Variants in DMC1 observed in about 807,000 individuals in gnomAD.
DMC1 encodes the protein DNA meiotic recombinase 1.
A neutral mutation model predicts 50.1 loss-of-function variants in DMC1; 27 were observed. That is an observed-to-expected ratio of 0.54 (90% CI 0.40 to 0.74). The LOEUF (loss-of-function observed/expected upper bound fraction) is 0.74. DMC1 is among the 30% of genes least tolerant of loss of function. The pLI is 0.00. For missense variants in DMC1, 295 were observed against 420.2 expected, an observed-to-expected ratio of 0.70 and a Z score of 2.60; for synonymous variants, 148 against 136.1, an observed-to-expected ratio of 1.09 and a Z score of -0.61.
At position 38,519,909 on chromosome 22, in the gene DMC1, T is replaced by C; in HGVS notation, c.*111A>G. The C allele has an allele frequency of 1.2e-6, 1 of 844,262 alleles. No homozygotes were observed. The highest frequency in any genetic ancestry group is 2.0e-6 in the Non-Finnish European group (1 of 496,354). The allele number at this position is 844,262 out of a possible 1,614,324, so 52.3% of individuals were successfully genotyped here. On this transcript the variant is annotated 3_prime_UTR_variant, in exon 14 of 14. Transcript: ENST00000216024. The stretch of plus-strand genomic sequence containing the variant: ...TTTAAATCTCTTTGCTGACTTTTCT[T>C]TAGTAACATGTGGGAAAAAACCTCT...
chr22:38,551,872 T>C (rs899618598), intron 7 of DMC1, among the ~76,000 whole-genome samples: 2 of 145,852 alleles, frequency 1.4e-5, no homozygotes, highest in African/African-American at 5.1e-5. Flanking sequence ...TTTTTTTTTT[T>C]TTTTTTTGAG....
Position 38,552,703 on chromosome 22 carries a change from A to G in DMC1, c.384T>C (p.Phe128=), listed in dbSNP as rs768229464. The G allele has an allele frequency of 9.5e-6, 15 of 1,583,046 alleles. No individual in the cohort carries two copies. In the African/African-American group the frequency reaches 1.8e-4, roughly 18 times the overall value. Residue 128 remains phenylalanine (F), a synonymous_variant, in exon 7 of 14, where the codon TTT becomes TTC. Transcript: ENST00000216024. ...SMAITEAFGE[F]RTGKTQLSHT... ...GAGAAAGCTGGGTTTTTCCAGTACG[A>G]AATTCTGTGAAATACAGAAAAAAAT...
intron 2 of DMC1, among the ~76,000 whole-genome samples, 185 bp from the exon 3 acceptor site, chr22:38,567,812 T>C (rs370667138): frequency 2.0e-3 from 301 of 152,336 alleles, no homozygotes; most frequent in Middle Eastern, 0.014. Context: ...TTGAAAGGGC[T>C]GGGAAGCCAG....
Position 38,554,707 on chromosome 22 carries a change from G to A in DMC1, c.379+650C>T, listed in dbSNP as rs115603264. Among the ~76,000 whole-genome samples the A allele has an allele frequency of 2.5e-3, 378 of 152,042 alleles. 3 individuals are homozygous for A. Among genetic ancestry groups the A allele is most frequent in the African/African-American group, 8.9e-3 (368 of 41,462 alleles). ...AAAAAAAAATAGAGGATATAATCAG[G>A]GAAGAGGGAATCTAGTCTCTATGTT... On this transcript the variant is annotated intron_variant, in intron 6 of 13. Coordinates refer to ENST00000216024, the MANE Select transcript of DMC1 (RefSeq NM_007068.4).
intron 5 of DMC1, among the ~76,000 whole-genome samples, chr22:38,561,482 G>GA (rs989460411): frequency 2.0e-5 from 3 of 152,078 alleles, no homozygotes; most frequent in Non-Finnish European, 4.4e-5. Flanking sequence ...GTGTGTGAGA[G>GA]AAAAAAGATG....
intron 8 of DMC1, among the ~76,000 whole-genome samples, chr22:38,540,417 G>T (rs1356945565): frequency 6.6e-6 from 1 of 152,128 alleles, no homozygotes; most frequent in Admixed American, 6.6e-5. Flanking sequence ...AAAGTATTCT[G>T]GAAGAAGCTA....
At chr22:38,509,292 G>C in the DMC1 span, among the ~76,000 whole-genome samples, 7 of 152,162 alleles carry the variant, frequency 4.6e-5, no homozygotes. Context: ...GCATCCGTTA[G>C]CTATTCTTCT....
chr22:38,534,625 C>T (rs1171608804), intron 12 of DMC1, among the ~76,000 whole-genome samples: 1 of 151,500 alleles, frequency 6.6e-6, no homozygotes, highest in Non-Finnish European at 1.5e-5. Context: ...ATTGCTTGAA[C>T]CCAGGAGGCA....
chr22:38,550,402 C>T (rs1482023958), intron 7 of DMC1, among the ~76,000 whole-genome samples: 1 of 150,010 alleles, frequency 6.7e-6, no homozygotes, highest in African/African-American at 2.4e-5. Flanking sequence ...CAATCTCCGC[C>T]TCCCGGGTTC....
rs2090464927 is a variant in DMC1 at position 38,555,914 on chromosome 22, C to T, written c.327-505G>A. Among the ~76,000 whole-genome samples the T allele has an allele frequency of 2.0e-5, 3 of 151,764 alleles. No homozygotes were observed. In the East Asian group the frequency reaches 5.8e-4, roughly 29 times the overall value. On this transcript the variant is annotated intron_variant, in intron 5 of 13. Transcript: ENST00000216024. ...TGGCGTGATCTTGGCTCACTGCAGC[C>T]TCCGCCTACCAGGTTCAAGAGATTC...
intron 12 of DMC1, among the ~76,000 whole-genome samples, chr22:38,530,857 G>A (rs2090144877): frequency 6.6e-6 from 1 of 152,094 alleles, no homozygotes; most frequent in Non-Finnish European, 1.5e-5. Flanking sequence ...ATCGCCCGAG[G>A]TCAGGAGTTC....
At chr22:38,549,621 CA>C (rs879531822) in intron 8 of DMC1, 9,786 of 202,182 alleles carry the variant, frequency 0.048, 4 homozygotes, top group South Asian at 0.088. Context: ...GATTCCGTCT[CA>C]AAAAAAAAAA....
At position 38,521,588 on chromosome 22, in the gene DMC1, C is replaced by T; in HGVS notation, c.953+20G>A. 1 of 1,220,060 alleles carries T rather than the reference C, an allele frequency of 8.2e-7. No homozygotes were observed. The allele number at this position is 1,220,060 out of a possible 1,614,324, so 75.6% of individuals were successfully genotyped here. On this transcript the variant is annotated intron_variant, in intron 13 of 13. Transcript: ENST00000216024. The stretch of plus-strand genomic sequence containing the variant: ...ACACACACACACACACACACACACA[C>T]AAAATAAAAAAAAATTTACCTGTCA...
At chr22:38,553,090 C>T (rs1009078222) in intron 6 of DMC1, among the ~76,000 whole-genome samples, 11 of 151,808 alleles carry the variant, frequency 7.2e-5, no homozygotes, top group African/African-American at 2.4e-4. Context: ...TCAGGTGATC[C>T]GCCCACCTCA....
intron 12 of DMC1, among the ~76,000 whole-genome samples, chr22:38,533,608 C>G (rs1284686468): frequency 6.6e-6 from 1 of 152,012 alleles, no homozygotes. Flanking sequence ...TGATGCATTG[C>G]TTCTGTTTTA....
chr22:38,540,130 G>A (rs900195585), intron 8 of DMC1, among the ~76,000 whole-genome samples: 1 of 152,066 alleles, frequency 6.6e-6, no homozygotes, highest in African/African-American at 2.4e-5. Flanking sequence ...TTCTAAAGGA[G>A]TTGTTAGCTT....
chr22:38,565,255 G>A (rs554911758), intron 4 of DMC1, among the ~76,000 whole-genome samples: 1 of 151,036 alleles, frequency 6.6e-6, no homozygotes, highest in African/African-American at 2.4e-5. Context: ...AAAGTAGTAA[G>A]GTAGGAGAGG....
intron 5 of DMC1, among the ~76,000 whole-genome samples, chr22:38,561,340 T>C (rs181903045): frequency 7.9e-5 from 12 of 152,162 alleles, no homozygotes; most frequent in Non-Finnish European, 1.6e-4. Context: ...CTTTAATCTA[T>C]AGGTCTTCTC....
intron 12 of DMC1, among the ~76,000 whole-genome samples, chr22:38,536,229 A>C (rs2090211197): frequency 6.6e-6 from 1 of 150,506 alleles, no homozygotes; most frequent in African/African-American, 2.4e-5. Context: ...AAAAAAAAAA[A>C]CACACACACA....
Sources: allele counts gnomAD v4.1 joint callset (sites outside exome capture counted in the v4.1 genomes callset), GRCh38; gene constraint gnomAD v4.1.1; transcripts MANE v1.5; gene names NCBI Gene and HGNC (gene_info 2026-07-23, HGNC 2026-07-21).